Variants in CWC27 observed in about 807,000 individuals in gnomAD.
CWC27 encodes the protein CWC27 spliceosome associated cyclophilin.
A neutral mutation model predicts 63.6 loss-of-function variants in CWC27; 47 were observed. The observed-to-expected ratio is 0.74, with a 90% confidence interval of 0.58 to 0.94. The LOEUF is 0.94. CWC27 is among the 40% of genes least tolerant of loss of function. CWC27 has a pLI of 0.00. For synonymous variants in CWC27, 175 were observed against 179.8 expected, an observed-to-expected ratio of 0.97 and a Z score of 0.22; for missense variants, 495 against 554.3, an observed-to-expected ratio of 0.89 and a Z score of 1.07.
rs556978284 is a variant in CWC27, at chr5:64,934,676, A to G, written c.1043-37027A>G. The stretch of plus-strand genomic sequence containing the variant: ...GGTTCTAGATCCTTCAGGAATCACC[A>G]CACTGTCTTCCACAATGGTTGAACT... On this transcript the variant is annotated intron_variant, in intron 11 of 13. Coordinates refer to ENST00000381070, the MANE Select transcript of CWC27 (RefSeq NM_005869.4). 1.2e-3 allele frequency among the ~76,000 whole-genome samples: 180 copies of G among 152,198 alleles called. 3 individuals carry two copies. Among genetic ancestry groups the G allele is most frequent in the African/African-American group, 4.2e-3 (176 of 41,510 alleles).
chr5:64,994,348 A>C (rs1749592390), intron 13 of CWC27, among the ~76,000 whole-genome samples: 1 of 152,198 alleles, frequency 6.6e-6, no homozygotes, highest in Admixed American at 6.5e-5. Flanking sequence ...TCAAGAGGAT[A>C]TTGCATAATT....
intron 11 of CWC27, among the ~76,000 whole-genome samples, chr5:64,951,313 C>T (rs982860446): frequency 2.0e-5 from 3 of 151,806 alleles, no homozygotes; most frequent in East Asian, 3.9e-4. Flanking sequence ...ATGCATTTCC[C>T]TAATGATCAA....
intron 9 of CWC27, 60 bp from the exon 10 acceptor site, chr5:64,804,169 T>C (rs1190285162): frequency 2.1e-6 from 3 of 1,459,120 alleles, no homozygotes; most frequent in Non-Finnish European, 2.8e-6. Flanking sequence ...ATGCAATAGA[T>C]CTCTAGAAAT....
At chr5:64,928,644 A>C (rs911919356) in intron 11 of CWC27, among the ~76,000 whole-genome samples, 1 of 152,184 alleles carries the variant, frequency 6.6e-6, no homozygotes, top group African/African-American at 2.4e-5. Flanking sequence ...GAAAATAATT[A>C]AGTTGCTTAT....
At chr5:64,896,666 A>G (rs1369165030) in intron 11 of CWC27, among the ~76,000 whole-genome samples, 1 of 151,824 alleles carries the variant, frequency 6.6e-6, no homozygotes, top group Admixed American at 6.6e-5. Flanking sequence ...AGAGAAAAAG[A>G]TGGAATTAGG....
intron 2 of CWC27, among the ~76,000 whole-genome samples, chr5:64,778,643 T>C (rs1420945458): frequency 6.6e-6 from 1 of 152,218 alleles, no homozygotes; most frequent in African/African-American, 2.4e-5. Flanking sequence ...TGTTATTAGA[T>C]TTATGAGAAA....
At chr5:64,925,805 T>G (rs1181948895) in intron 11 of CWC27, among the ~76,000 whole-genome samples, 3 of 152,188 alleles carry the variant, frequency 2.0e-5, no homozygotes, top group African/African-American at 7.2e-5. Flanking sequence ...GATTCCATAT[T>G]CTCCCCAATC....
intron 10 of CWC27, among the ~76,000 whole-genome samples, chr5:64,856,204 A>T (rs1282262908): frequency 6.6e-6 from 1 of 152,102 alleles, no homozygotes; most frequent in Non-Finnish European, 1.5e-5. Flanking sequence ...CCTAATATCA[A>T]TATCAATACT....
intron 13 of CWC27, among the ~76,000 whole-genome samples, chr5:65,009,002 T>TA (rs11396601): frequency 0.3 from 44,527 of 150,212 alleles, 7,021 homozygotes; most frequent in East Asian, 0.44. Flanking sequence ...GTAATTTATT[T>TA]AAAAAAAAAA....
chr5:64,904,879 A>C (rs1580716520), intron 11 of CWC27, among the ~76,000 whole-genome samples: 1 of 150,406 alleles, frequency 6.6e-6, no homozygotes, highest in African/African-American at 2.5e-5. Context: ...TCGAGATACT[A>C]GAACAGCTCT....
At chr5:64,816,011 G>A (rs943060064) in intron 10 of CWC27, among the ~76,000 whole-genome samples, 1 of 152,140 alleles carries the variant, frequency 6.6e-6, no homozygotes, top group African/African-American at 2.4e-5. Flanking sequence ...TTTCAAGAAA[G>A]CAAGTTGTCA....
chr5:64,958,526 C>T (rs1400700834), intron 11 of CWC27, among the ~76,000 whole-genome samples: 1 of 152,102 alleles, frequency 6.6e-6, no homozygotes, highest in Non-Finnish European at 1.5e-5. Context: ...CATTCAGTAG[C>T]ATGTAAATAT....
intron 11 of CWC27, among the ~76,000 whole-genome samples, chr5:64,920,859 A>G (rs1456050627): frequency 6.6e-6 from 1 of 151,782 alleles, no homozygotes; most frequent in East Asian, 1.9e-4. Flanking sequence ...TTCTTTGTTA[A>G]TCTACCTAGG....
At chr5:64,947,198 A>T (rs1748606389) in intron 11 of CWC27, among the ~76,000 whole-genome samples, 1 of 152,120 alleles carries the variant, frequency 6.6e-6, no homozygotes, top group Non-Finnish European at 1.5e-5. Flanking sequence ...CTTGTTTCTC[A>T]TCAGTAGGGT....
At chr5:64,984,307 T>C (rs780631338) in intron 13 of CWC27, among the ~76,000 whole-genome samples, 1 of 152,206 alleles carries the variant, frequency 6.6e-6, no homozygotes, top group Non-Finnish European at 1.5e-5. Flanking sequence ...TATCTGCTTT[T>C]TGGTCCTCAT....
chr5:64,801,171 CT>C, intron 8 of CWC27, 130 bp from the exon 9 acceptor site: 1 of 865,544 alleles, frequency 1.2e-6, no homozygotes, highest in Non-Finnish European at 1.7e-6. Context: ...TAATGCCTTT[CT>C]TAAATTCCTA....
intron 11 of CWC27, among the ~76,000 whole-genome samples, chr5:64,920,476 G>C (rs1292583022): frequency 6.6e-6 from 1 of 152,030 alleles, no homozygotes; most frequent in African/African-American, 2.4e-5. Flanking sequence ...TCCGAATGAT[G>C]CTGGCTTCAT....
At chr5:64,826,412 C>G (rs1198791648) in intron 10 of CWC27, among the ~76,000 whole-genome samples, 1 of 152,128 alleles carries the variant, frequency 6.6e-6, no homozygotes, top group African/African-American at 2.4e-5. Context: ...TTTGTCCCAT[C>G]ATATAGTGAA....
At chr5:64,869,363 T>C (rs1746609415) in intron 10 of CWC27, among the ~76,000 whole-genome samples, 1 of 152,058 alleles carries the variant, frequency 6.6e-6, no homozygotes, top group Admixed American at 6.6e-5. Context: ...AAATTAAAAA[T>C]ATGTTTTTAT....
Sources: allele counts gnomAD v4.1 joint callset (sites outside exome capture counted in the v4.1 genomes callset), GRCh38; gene constraint gnomAD v4.1.1; transcripts MANE v1.5; gene names NCBI Gene and HGNC (gene_info 2026-07-23, HGNC 2026-07-21).